Variants in SHLD1 observed in about 807,000 individuals in gnomAD.
The protein encoded by SHLD1 is RINN1-REV7-interacting novel NHEJ regulator 3.
A neutral mutation model predicts 5.5 loss-of-function variants in SHLD1; 3 were observed. The ratio of observed to expected loss-of-function variants is 0.54; its 90% CI spans 0.25 to 1.40. The LOEUF (loss-of-function observed/expected upper bound fraction) is 1.40. Ranked by LOEUF, SHLD1 falls within the 40% of genes most tolerant of loss-of-function variation. SHLD1 has a pLI of 0.15. For synonymous variants in SHLD1, 92 were observed against 94.3 expected (o/e 0.98, Z 0.14); for missense variants, 210 against 244.4 (o/e 0.86, Z 0.94).
chr20:5,773,495 G>A (rs1026201838), intron 2 of SHLD1: 2 of 253,524 alleles, frequency 7.9e-6, no homozygotes, highest in Non-Finnish European at 1.5e-5. Flanking sequence ...CTTTCTACAA[G>A]GTTTCCTGAC....
At chr20:5,847,728 A>G (rs894079765) in intron 2 of SHLD1, among the ~76,000 whole-genome samples, 2 of 152,246 alleles carry the variant, frequency 1.3e-5, no homozygotes, top group Non-Finnish European at 1.5e-5. Context: ...AGTGTCTGAC[A>G]ATATCAGAAT....
intron 2 of SHLD1, among the ~76,000 whole-genome samples, chr20:5,787,516 T>C: frequency 6.6e-6 from 1 of 152,220 alleles, no homozygotes; most frequent in East Asian, 1.9e-4. Flanking sequence ...CTTTTAAGGA[T>C]AAAGGCTTTT....
chr20:5,798,593 C>T (rs552413819), intron 2 of SHLD1, among the ~76,000 whole-genome samples: 32 of 145,634 alleles, frequency 2.2e-4, no homozygotes, highest in South Asian at 1.1e-3. Flanking sequence ...TAAGCCACTG[C>T]GCCTGGCCTA....
chr20:5,859,676 T>C (rs1219779982), intron 2 of SHLD1, among the ~76,000 whole-genome samples: 2 of 152,138 alleles, frequency 1.3e-5, no homozygotes, highest in Non-Finnish European at 2.9e-5. Flanking sequence ...GCTTTATAGT[T>C]GGTAGTAAAG....
chr20:5,781,811 A>G (rs999059339), intron 2 of SHLD1, among the ~76,000 whole-genome samples: 6 of 152,094 alleles, frequency 3.9e-5, no homozygotes, highest in African/African-American at 1.4e-4. Context: ...TCCAGCTCCA[A>G]TCAAAAAGCT....
At chr20:5,860,596 T>C (rs558809034) in intron 2 of SHLD1, among the ~76,000 whole-genome samples, 2 of 152,142 alleles carry the variant, frequency 1.3e-5, no homozygotes, top group African/African-American at 4.8e-5. Flanking sequence ...AAAAAAGTTT[T>C]TTTTTGCATT....
chr20:5,782,479 G>A (rs1225338879), intron 2 of SHLD1, among the ~76,000 whole-genome samples: 7 of 152,178 alleles, frequency 4.6e-5, no homozygotes, highest in African/African-American at 1.7e-4. Context: ...TAACAATACA[G>A]ATGTAGGAAA....
intron 2 of SHLD1, among the ~76,000 whole-genome samples, chr20:5,859,363 C>T (rs2122511210): frequency 6.6e-6 from 1 of 152,300 alleles, no homozygotes; most frequent in East Asian, 1.9e-4. Context: ...TGTTTACATC[C>T]TTGACCCCAC....
rs771372649 is a variant in SHLD1, at chr20:5,863,010, G to GT, written c.179-10dup. ...ATTGTGTGTTTGAGTATTGGAATACGTTTTGTCTTGCAGACACCAGTAACT... is the reference window on the plus strand; with the variant it reads ...ATTGTGTGTTTGAGTATTGGAATACGTTTTTGTCTTGCAGACACCAGTAACT... On this transcript the variant is annotated splice_polypyrimidine_tract_variant and intron_variant, in intron 2 of 2. Coordinates refer to ENST00000303142, the MANE Select transcript of SHLD1 (RefSeq NM_152504.4). 4.1e-5 allele frequency: 64 copies of GT among 1,556,702 alleles called. No individual in the cohort carries two copies. The highest frequency in any genetic ancestry group is 1.2e-4 in the Admixed American group (6 of 49,958).
intron 2 of SHLD1, among the ~76,000 whole-genome samples, chr20:5,809,777 G>T (rs1184238905): frequency 6.6e-6 from 1 of 152,006 alleles, no homozygotes; most frequent in Non-Finnish European, 1.5e-5. Context: ...AGTCGGGAGA[G>T]GCCAGGGATG....
intron 2 of SHLD1, among the ~76,000 whole-genome samples, chr20:5,846,835 G>T (rs574630836): frequency 2.0e-5 from 3 of 152,292 alleles, no homozygotes; most frequent in African/African-American, 7.2e-5. Context: ...GTTAGGTTCC[G>T]ATCCTTTAAC....
At chr20:5,846,436 C>T (rs1225800105) in intron 2 of SHLD1, among the ~76,000 whole-genome samples, 2 of 152,196 alleles carry the variant, frequency 1.3e-5, no homozygotes, top group South Asian at 2.1e-4. Context: ...AGTAAACAGT[C>T]GTAATCAAAA....
intron 2 of SHLD1, among the ~76,000 whole-genome samples, chr20:5,858,157 T>C (rs973288202): frequency 4.0e-5 from 6 of 150,138 alleles, no homozygotes; most frequent in African/African-American, 1.5e-4. Flanking sequence ...CTTGAAACCA[T>C]ACATAGGTCC....
intron 2 of SHLD1, among the ~76,000 whole-genome samples, chr20:5,814,308 T>C (rs1161544716): frequency 6.6e-6 from 1 of 152,134 alleles, no homozygotes; most frequent in African/African-American, 2.4e-5. Context: ...TGGGTATCAA[T>C]CCAAGAAGCA....
intron 2 of SHLD1, among the ~76,000 whole-genome samples, chr20:5,854,098 C>T (rs531369064): frequency 5.3e-5 from 8 of 151,900 alleles, no homozygotes; most frequent in Admixed American, 1.3e-4. Context: ...CTCCACCTCC[C>T]GGGTTCAAGC....
chr20:5,851,814 C>T (rs894340303), intron 2 of SHLD1, among the ~76,000 whole-genome samples: 2 of 150,756 alleles, frequency 1.3e-5, no homozygotes, highest in Admixed American at 1.3e-4. Context: ...GGCCTGGTGG[C>T]GGGGGGGCAT....
In SHLD1 at chr20:5,863,098, G is replaced by C. The variant is rs1233255556; in HGVS notation, c.253G>C (p.Gly85Arg). The change falls in exon 3 of 3, where the codon GGC (glycine) becomes CGC (arginine). Residue 85 changes from glycine (G) to arginine (R), a missense_variant. Transcript: ENST00000303142. ...ENFWLDPAVK[G>R]QSEKEEDDGL... ...CTTCTGGCTTGACCCTGCTGTGAAA[G>C]GCCAGTCAGAGAAGGAAGAGGATGA... is the stretch of plus-strand genomic sequence containing the variant. 2 of 1,614,048 alleles carry C rather than the reference G, an allele frequency of 1.2e-6. No individual in the cohort carries two copies. Among genetic ancestry groups the C allele is most frequent in the East Asian group, 4.5e-5 (2 of 44,888 alleles).
chr20:5,777,327 A>T (rs1985476686), intron 2 of SHLD1, among the ~76,000 whole-genome samples: 1 of 152,052 alleles, frequency 6.6e-6, no homozygotes, highest in Non-Finnish European at 1.5e-5. Flanking sequence ...CATACCTGAG[A>T]AGTGGAAATC....
chr20:5,835,741 A>T (rs1353314128), intron 2 of SHLD1, among the ~76,000 whole-genome samples: 1 of 152,234 alleles, frequency 6.6e-6, no homozygotes, highest in Non-Finnish European at 1.5e-5. Context: ...TCCTCCAACA[A>T]GTTATTTGAC....
Sources: allele counts gnomAD v4.1 joint callset (sites outside exome capture counted in the v4.1 genomes callset), GRCh38; gene constraint gnomAD v4.1.1; transcripts MANE v1.5; gene names NCBI Gene and HGNC (gene_info 2026-07-23, HGNC 2026-07-21).